The following RABGAP1L variants were observed in gnomAD, a reference collection of about 807,000 sequenced individuals.
RABGAP1L encodes rab GTPase-activating protein 1-like.
RABGAP1L carries 63 observed loss-of-function variants against 137.7 expected under a neutral mutation model. That is an observed-to-expected ratio of 0.46 (90% CI 0.37 to 0.56). The LOEUF (loss-of-function observed/expected upper bound fraction) is 0.56, where lower values mean the gene tolerates loss of function less well. Ranked by LOEUF, RABGAP1L falls within the 20% of genes least tolerant of loss-of-function variation. The pLI is 0.00. For synonymous variants in RABGAP1L, 431 were observed against 433.7 expected (o/e 0.99, Z 0.08); for missense variants, 1,095 against 1,244.0 (o/e 0.88, Z 1.80).
At chr1:174,878,922 A>ATTG (rs1558181830) in intron 19 of RABGAP1L, among the ~76,000 whole-genome samples, 1 of 105,360 alleles carries the variant, frequency 9.5e-6, no homozygotes, top group African/African-American at 4.3e-5. Context: ...TTTTTTGTGC[A>ATTG]TTGTTTTTTT....
At chr1:174,355,156 A>G (rs772439265) in intron 11 of RABGAP1L, among the ~76,000 whole-genome samples, 2 of 152,186 alleles carry the variant, frequency 1.3e-5, no homozygotes, top group Non-Finnish European at 2.9e-5. Context: ...ATAAAGACAC[A>G]TGCACATGTA....
chr1:174,892,503 T>C lies in RABGAP1L; in HGVS notation c.2341-64954T>C, dbSNP rs1656354364. ...GCTTCTTTTCTACTTTGTAAGTTAC[T>C]GGTTTTCACAAAAGTTTCTCCAAGT... is the stretch of plus-strand genomic sequence containing the variant. On this transcript the variant is annotated intron_variant, in intron 19 of 25. Transcript: ENST00000681986. 3 of 492,064 alleles carry C rather than the reference T, an allele frequency of 6.1e-6. No individual in the cohort carries two copies. The East Asian group carries it at 1.8e-4, about 29-fold the overall frequency. The allele number at this position is 492,064 out of a possible 1,614,324, so 30.5% of individuals were successfully genotyped here.
chr1:174,519,080 A>AAT (rs368973336), intron 13 of RABGAP1L, among the ~76,000 whole-genome samples: 34 of 151,576 alleles, frequency 2.2e-4, no homozygotes, highest in African/African-American at 4.4e-4. Flanking sequence ...AGACAGAACT[A>AAT]ATATATATAT....
At chr1:174,188,744 A>G (rs912127486) in intron 1 of RABGAP1L, among the ~76,000 whole-genome samples, 1 of 152,238 alleles carries the variant, frequency 6.6e-6, no homozygotes. Context: ...AGTGGGTCTC[A>G]ACAATGGTTT....
chr1:174,678,887 T>C (rs1387937159), intron 14 of RABGAP1L, among the ~76,000 whole-genome samples: 1 of 152,226 alleles, frequency 6.6e-6, no homozygotes, highest in African/African-American at 2.4e-5. Flanking sequence ...AGCAGACACC[T>C]GCCCTATCCG....
chr1:174,184,033 T>G (rs1666599579), intron 1 of RABGAP1L, among the ~76,000 whole-genome samples: 1 of 134,358 alleles, frequency 7.4e-6, no homozygotes, highest in Admixed American at 7.5e-5. Context: ...GCCCGGCTAA[T>G]TTTTTGTTTT....
chr1:174,869,487 T>C (rs915678183), intron 19 of RABGAP1L, among the ~76,000 whole-genome samples: 2 of 152,184 alleles, frequency 1.3e-5, no homozygotes, highest in Non-Finnish European at 2.9e-5. Flanking sequence ...GCCATGATTG[T>C]AAGTTTCCCA....
chr1:174,442,874 C>G (rs1654315236), intron 13 of RABGAP1L, among the ~76,000 whole-genome samples: 1 of 151,974 alleles, frequency 6.6e-6, no homozygotes, highest in African/African-American at 2.4e-5. Flanking sequence ...ATTCCTTTTT[C>G]CCTACCCTTC....
intron 10 of RABGAP1L, among the ~76,000 whole-genome samples, chr1:174,301,132 G>A (rs1205328450): frequency 6.6e-6 from 1 of 152,008 alleles, no homozygotes; most frequent in Non-Finnish European, 1.5e-5. Context: ...TGGGGTGTGA[G>A]CAAGCAAGTG....
chr1:174,160,812 C>T (rs967119292), intron 1 of RABGAP1L, among the ~76,000 whole-genome samples: 2 of 152,062 alleles, frequency 1.3e-5, no homozygotes, highest in African/African-American at 4.8e-5. Flanking sequence ...TGGCATCTTC[C>T]GTAGAATATC....
intron 18 of RABGAP1L, among the ~76,000 whole-genome samples, chr1:174,759,456 A>C (rs1213235592): frequency 6.6e-6 from 1 of 151,870 alleles, no homozygotes. Flanking sequence ...TTAGCCAGGC[A>C]TGGTGGCGTG....
chr1:174,497,035 A>C (rs552353946), intron 13 of RABGAP1L, among the ~76,000 whole-genome samples: 59 of 152,360 alleles, frequency 3.9e-4, no homozygotes, highest in Middle Eastern at 6.8e-3. Context: ...ACACATGTGC[A>C]CACACTACTG....
intron 3 of RABGAP1L, among the ~76,000 whole-genome samples, chr1:174,223,178 G>T (rs773250366): frequency 2.1e-5 from 3 of 141,180 alleles, no homozygotes; most frequent in Non-Finnish European, 4.5e-5. Flanking sequence ...TGAGGCGAGA[G>T]AATCGCTTGA....
chr1:174,436,753 A>AC lies in RABGAP1L; in HGVS notation c.1710+42608_1710+42609insC, dbSNP rs1653375421. 3.3e-5 allele frequency among the ~76,000 whole-genome samples: 5 copies of AC among 152,202 alleles called. No individual in the cohort carries two copies. In the South Asian group the frequency reaches 1.0e-3, roughly 32 times the overall value. On this transcript the variant is annotated intron_variant, in intron 13 of 25. Coordinates refer to ENST00000681986, the MANE Select transcript of RABGAP1L (RefSeq NM_001366446.1). Reference sequence around the variant, plus strand: ...TCCATGCCTATGCTTGAGATCTCAGAATGGGCAGACTGCCTCCTCAAGTGG... The same window carrying AC: ...TCCATGCCTATGCTTGAGATCTCAGACATGGGCAGACTGCCTCCTCAAGTGG...
chr1:174,869,856 C>T (rs535184589), intron 19 of RABGAP1L, among the ~76,000 whole-genome samples: 35 of 152,334 alleles, frequency 2.3e-4, no homozygotes, highest in Admixed American at 1.4e-3. Context: ...GAGAAGACCT[C>T]TGCCTGTGAC....
chr1:174,274,976 G>A (rs1674859640), intron 8 of RABGAP1L: 1 of 152,126 alleles, frequency 6.6e-6, no homozygotes, highest in Non-Finnish European at 1.5e-5. Flanking sequence ...TGTAGATACT[G>A]TTCATTTGCA....
chr1:174,749,118 G>T (rs1337175723), intron 17 of RABGAP1L, among the ~76,000 whole-genome samples: 2 of 151,046 alleles, frequency 1.3e-5, no homozygotes, highest in East Asian at 3.9e-4. Context: ...GGAGGTTGCA[G>T]TGAGCCAAGA....
chr1:174,779,087 A>T (rs1211765075), intron 18 of RABGAP1L, among the ~76,000 whole-genome samples: 1 of 152,184 alleles, frequency 6.6e-6, no homozygotes, highest in African/African-American at 2.4e-5. Flanking sequence ...ATAGACTATG[A>T]TTGCACATCT....
At chr1:174,627,038 C>G (rs1037977257) in intron 13 of RABGAP1L, among the ~76,000 whole-genome samples, 5 of 152,128 alleles carry the variant, frequency 3.3e-5, no homozygotes, top group African/African-American at 1.2e-4. Flanking sequence ...TTTAATGGCA[C>G]TAACAGATTG....
Sources: gnomAD v4.1 joint callset for allele counts (sites outside exome capture counted in the v4.1 genomes callset) on GRCh38, gnomAD v4.1.1 for gene constraint, MANE v1.5 for transcripts, NCBI Gene and HGNC (gene_info 2026-07-23, HGNC 2026-07-21) for gene names.